RAP1GAP2: variants seen among roughly 807,000 people sequenced by gnomAD.
The protein encoded by RAP1GAP2 is RAP1 GTPase activating protein 2, also known as rap1 GTPase-activating protein 2.
A neutral mutation model predicts 95.0 loss-of-function variants in RAP1GAP2; 27 were observed. The ratio of observed to expected loss-of-function variants is 0.28; its 90% CI spans 0.21 to 0.39. The LOEUF (loss-of-function observed/expected upper bound fraction) is 0.39, where lower values mean the gene tolerates loss of function less well. Ranked by LOEUF, RAP1GAP2 falls within the 10% of genes least tolerant of loss-of-function variation. The probability of loss-of-function intolerance (pLI) is 1.00; values close to 1 mark genes in which losing one functional copy is unlikely to be tolerated. For missense variants in RAP1GAP2, 771 were observed against 970.0 expected (o/e 0.79, Z 2.72); for synonymous variants, 373 against 380.9 (o/e 0.98, Z 0.24).
At position 2,855,258 on chromosome 17, in the gene RAP1GAP2, A is replaced by G. The variant is rs907200072; in HGVS notation, c.81-50026A>G. On this transcript the variant is annotated intron_variant, in intron 2 of 24. Transcript: ENST00000254695. The surrounding 1 kb of genome is among the most constrained non-coding windows in gnomAD (Gnocchi z 4.3). Reference sequence around the variant, plus strand: ...TGAAAATGACATAAGGTGGTTCAGCATGAAATAACATTGAGTCACCTAGTG... The same window carrying G: ...TGAAAATGACATAAGGTGGTTCAGCGTGAAATAACATTGAGTCACCTAGTG... Among the ~76,000 whole-genome samples the G allele has an allele frequency of 1.3e-5, 2 of 152,236 alleles. No homozygotes were observed. Among genetic ancestry groups the G allele is most frequent in the African/African-American group, 4.8e-5 (2 of 41,462 alleles).
chr17:2,885,384 C>T (rs1181409638), intron 2 of RAP1GAP2, among the ~76,000 whole-genome samples: 1 of 152,212 alleles, frequency 6.6e-6, no homozygotes, highest in Non-Finnish European at 1.5e-5. Context: ...CATGCTTTCT[C>T]ATGGGGCACT....
intron 3 of RAP1GAP2, 43 bp from the exon 4 acceptor site, chr17:2,957,716 C>A (rs745344765): frequency 3.1e-6 from 5 of 1,595,390 alleles, no homozygotes; most frequent in Non-Finnish European, 4.3e-6. Context: ...GTGGACCTCC[C>A]GGCTGATCCC....
Position 2,941,981 on chromosome 17 carries a change from C to T in RAP1GAP2, c.166-15778C>T, listed in dbSNP as rs551436401. 6.8e-4 allele frequency among the ~76,000 whole-genome samples: 103 copies of T among 152,276 alleles called. 1 individual carries two copies. The highest frequency in any genetic ancestry group is 6.2e-4 in the South Asian group (3 of 4,822). ...GACAGGCGTGAGCCACTGCATCCAG[C>T]CGACTCTCTGGGCTTTGTCCTGAGT... On this transcript the variant is annotated intron_variant, in intron 3 of 24. Coordinates refer to ENST00000254695, the MANE Select transcript of RAP1GAP2 (RefSeq NM_015085.5).
chr17:2,793,978 G>C (rs945209760), upstream of RAP1GAP2, among the ~76,000 whole-genome samples: 1 of 151,212 alleles, frequency 6.6e-6, no homozygotes, highest in African/African-American at 2.4e-5. Context: ...GCGGGCGCCT[G>C]TAAACAGATA....
At chr17:2,776,933 C>T (rs926566817), upstream of RAP1GAP2, 4 of 153,040 alleles carry the variant, frequency 2.6e-5, no homozygotes, top group African/African-American at 9.6e-5. Context: ...AGCCGCGCGC[C>T]AGGCGGCGCA....
At chr17:2,915,888 C>T (rs985819480) in intron 3 of RAP1GAP2, among the ~76,000 whole-genome samples, 1 of 151,916 alleles carries the variant, frequency 6.6e-6, no homozygotes, top group East Asian at 1.9e-4. Context: ...TTACTAGAAA[C>T]GGGGTTTCAC....
chr17:2,953,071 G>T (rs930843621), intron 3 of RAP1GAP2, among the ~76,000 whole-genome samples: 4 of 152,136 alleles, frequency 2.6e-5, no homozygotes, highest in African/African-American at 7.2e-5. Context: ...CTCCTAAAGT[G>T]CTGGGATTAC....
At chr17:2,933,053 C>T (rs1047009794) in intron 3 of RAP1GAP2, among the ~76,000 whole-genome samples, 4 of 152,172 alleles carry the variant, frequency 2.6e-5, no homozygotes, top group Admixed American at 6.5e-5. Flanking sequence ...AGTGTCCCCG[C>T]GTACAGGGCA....
chr17:2,942,802 C>G (rs1298373161), intron 3 of RAP1GAP2, among the ~76,000 whole-genome samples: 1 of 152,248 alleles, frequency 6.6e-6, no homozygotes. Flanking sequence ...GAGTCTTGCT[C>G]TGTCACCCAG....
chr17:2,765,046 A>C lies in RAP1GAP2; in HGVS notation c.51-5283A>C, dbSNP rs990373658. On this transcript the variant is annotated intron_variant, in intron 1 of 25. Transcript: ENST00000637138. ...TGGAGGAGCCTAATTACTCATGCTC[A>C]GAATAGGATGGGCTCCTGGAGGAGC... 5.3e-5 allele frequency among the ~76,000 whole-genome samples: 8 copies of C among 152,272 alleles called. No individual in the cohort carries two copies. The South Asian group carries it at 6.2e-4, about 12-fold the overall frequency.
At chr17:2,783,102 C>T (rs546987631) in intron 1 of RAP1GAP2, among the ~76,000 whole-genome samples, 11 of 152,308 alleles carry the variant, frequency 7.2e-5, no homozygotes, top group South Asian at 2.1e-4. Context: ...GTTACTTCCA[C>T]AAGGTCACAC....
Position 2,998,379 on chromosome 17 carries a change from A to G in RAP1GAP2, c.1200+3A>G. The G allele has an allele frequency of 6.2e-7, 1 of 1,613,804 alleles. No individual in the cohort carries two copies. Among genetic ancestry groups the G allele is most frequent in the Non-Finnish European group, 8.5e-7 (1 of 1,179,742 alleles). On this transcript the variant is annotated splice_donor_region_variant and intron_variant, in intron 14 of 24. Coordinates refer to ENST00000254695, the MANE Select transcript of RAP1GAP2 (RefSeq NM_015085.5). ...GCACAGAGACCCCATCCTACAAGGT[A>G]AGGAGAACGCCTTGTTGGAGGGAGT...
chr17:2,810,826 G>T lies in RAP1GAP2; in HGVS notation c.80+10276G>T, dbSNP rs922385137. ...TTACAGGCGTGAGCCACCGCGCCTG[G>T]CCAACAAAAGTCAAATTAGTCTTTA... On this transcript the variant is annotated intron_variant, in intron 2 of 24. Transcript: ENST00000254695. Among the ~76,000 whole-genome samples, 5 of 152,102 alleles carry T rather than the reference G, an allele frequency of 3.3e-5. No homozygotes were observed. In the South Asian group the frequency reaches 1.0e-3, roughly 32 times the overall value.
chr17:2,878,922 T>C (rs2073189895), intron 2 of RAP1GAP2, among the ~76,000 whole-genome samples: 1 of 152,196 alleles, frequency 6.6e-6, no homozygotes, highest in Admixed American at 6.5e-5. Flanking sequence ...TAGTGCCCTC[T>C]TCCCGTGACG....
chr17:2,897,095 G>A (rs191704336), intron 2 of RAP1GAP2, among the ~76,000 whole-genome samples: 27 of 152,326 alleles, frequency 1.8e-4, no homozygotes, highest in African/African-American at 6.3e-4. Flanking sequence ...CCAGCGCTTT[G>A]GGAGGCTGAG....
At chr17:3,018,010 C>A (rs2046832489) in intron 17 of RAP1GAP2, 51 bp from the exon 18 acceptor site, 1 of 1,535,688 alleles carries the variant, frequency 6.5e-7, no homozygotes, top group South Asian at 1.2e-5. Context: ...AGGGCAGAGT[C>A]ATCCGGAGAG....
intron 2 of RAP1GAP2, among the ~76,000 whole-genome samples, chr17:2,885,676 T>C (rs2073468947): frequency 6.6e-6 from 1 of 152,196 alleles, no homozygotes; most frequent in African/African-American, 2.4e-5. Flanking sequence ...TTGGGTGATT[T>C]TCTGGCTGGC....
chr17:2,760,352 T>C (rs935146340), intron 1 of RAP1GAP2, among the ~76,000 whole-genome samples: 1 of 151,444 alleles, frequency 6.6e-6, no homozygotes, highest in Non-Finnish European at 1.5e-5. Flanking sequence ...AACTTTCACT[T>C]TTTTTTGAGA....
chr17:2,915,781 T>C (rs1389550537), intron 3 of RAP1GAP2, among the ~76,000 whole-genome samples: 1 of 152,138 alleles, frequency 6.6e-6, no homozygotes, highest in African/African-American at 2.4e-5. Context: ...CACTGCAACC[T>C]CTGCTTCCTG....
Sources: allele counts gnomAD v4.1 joint callset (sites outside exome capture counted in the v4.1 genomes callset), GRCh38; gene constraint gnomAD v4.1.1; non-coding constraint Gnocchi (gnomAD v3.1); transcripts MANE v1.5; gene names NCBI Gene and HGNC (gene_info 2026-07-23, HGNC 2026-07-21).